The following ARB2A variants were observed in gnomAD, a reference collection of about 807,000 sequenced individuals.
ARB2A encodes ARB2 cotranscriptional regulator A.
At chr5:94,058,359 A>C in the ARB2A span, among the ~76,000 whole-genome samples, 1 of 152,178 alleles carries the variant, frequency 6.6e-6, no homozygotes, top group Admixed American at 6.5e-5. Flanking sequence ...ATGATAAGGC[A>C]TGTAAAAAGG....
chr5:93,884,356 A>G, the ARB2A span, among the ~76,000 whole-genome samples: 6 of 151,644 alleles, frequency 4.0e-5, no homozygotes, highest in African/African-American at 1.4e-4. Flanking sequence ...CTGAAATTTG[A>G]TATGTTCCAT....
the ARB2A span, among the ~76,000 whole-genome samples, chr5:93,887,143 A>G: frequency 2.6e-5 from 4 of 151,682 alleles, no homozygotes; most frequent in African/African-American, 9.7e-5. Context: ...TAGAGTCAGA[A>G]GGTCATGCAT....
At chr5:93,871,930 G>A in the ARB2A span, among the ~76,000 whole-genome samples, 2 of 150,870 alleles carry the variant, frequency 1.3e-5, no homozygotes, top group Admixed American at 1.3e-4. Context: ...GGAAGGGAGG[G>A]ATGAGAAAGG....
At chr5:93,685,981 C>T in the ARB2A span, among the ~76,000 whole-genome samples, 1 of 152,062 alleles carries the variant, frequency 6.6e-6, no homozygotes, top group Non-Finnish European at 1.5e-5. Context: ...AAATCATCTC[C>T]CTCTAATATA....
the ARB2A span, among the ~76,000 whole-genome samples, chr5:93,760,872 C>T: frequency 6.6e-6 from 1 of 152,096 alleles, no homozygotes; most frequent in African/African-American, 2.4e-5. Context: ...AACCCAAAAG[C>T]GAATGCAATA....
chr5:93,946,182 G>A, the ARB2A span, among the ~76,000 whole-genome samples: 1 of 151,918 alleles, frequency 6.6e-6, no homozygotes, highest in Non-Finnish European at 1.5e-5. Context: ...CAGGAAACAG[G>A]AGCTTCCTGT....
At chr5:93,887,284 CACAA>C in the ARB2A span, among the ~76,000 whole-genome samples, 5 of 149,364 alleles carry the variant, frequency 3.3e-5, no homozygotes, top group African/African-American at 1.2e-4. Flanking sequence ...AAGAAAATTT[CACAA>C]ACAAAAAGAA....
chr5:93,800,371 C>T, the ARB2A span, among the ~76,000 whole-genome samples: 1 of 142,058 alleles, frequency 7.0e-6, no homozygotes, highest in South Asian at 2.3e-4. Context: ...CATGATTTAA[C>T]TGCATATTTT....
At chr5:94,086,487 C>T in the ARB2A span, among the ~76,000 whole-genome samples, 3 of 151,258 alleles carry the variant, frequency 2.0e-5, no homozygotes, top group Non-Finnish European at 2.9e-5. Context: ...CAAAGTTTAG[C>T]ATATACAAAT....
the ARB2A span, among the ~76,000 whole-genome samples, chr5:93,665,972 C>A: frequency 6.6e-6 from 1 of 152,080 alleles, no homozygotes; most frequent in Admixed American, 6.5e-5. Flanking sequence ...AGAAATCATA[C>A]AAGTGAAACA....
chr5:93,994,652 G>C, the ARB2A span, among the ~76,000 whole-genome samples: 1 of 151,742 alleles, frequency 6.6e-6, no homozygotes, highest in Non-Finnish European at 1.5e-5. Flanking sequence ...ATGACAATTT[G>C]AAAAAACTTA....
the ARB2A span, among the ~76,000 whole-genome samples, chr5:93,718,874 T>C: frequency 3.3e-5 from 5 of 152,338 alleles, no homozygotes; most frequent in East Asian, 9.6e-4. Flanking sequence ...TAGTACCTCT[T>C]TCTATTTCAC....
the ARB2A span, chr5:93,739,326 G>GA: frequency 5.3e-5 from 8 of 151,714 alleles, no homozygotes; most frequent in Non-Finnish European, 8.8e-5. Flanking sequence ...AAGAAACTAG[G>GA]AAAAAATTAA....
At chr5:93,982,175 A>C in the ARB2A span, among the ~76,000 whole-genome samples, 28 of 152,160 alleles carry the variant, frequency 1.8e-4, no homozygotes, top group African/African-American at 6.8e-4. Context: ...GGCAGAAAAA[A>C]AATCACCTAT....
the ARB2A span, among the ~76,000 whole-genome samples, chr5:93,803,638 CA>C: frequency 6.7e-6 from 1 of 148,538 alleles, no homozygotes; most frequent in Non-Finnish European, 1.5e-5. Flanking sequence ...GTGATGAAAT[CA>C]TCTGTATAAC....
At chr5:93,777,622 T>A in the ARB2A span, among the ~76,000 whole-genome samples, 1 of 152,128 alleles carries the variant, frequency 6.6e-6, no homozygotes. Context: ...TCAATCATTT[T>A]GCCAAAATCG....
the ARB2A span, chr5:93,738,073 G>T: frequency 3.3e-6 from 1 of 306,288 alleles, no homozygotes; most frequent in Non-Finnish European, 6.4e-6. Context: ...CCATCTATCT[G>T]ATAAGGGCTT....
the ARB2A span, among the ~76,000 whole-genome samples, chr5:93,930,074 A>G: frequency 6.6e-6 from 1 of 152,274 alleles, no homozygotes; most frequent in African/African-American, 2.4e-5. Flanking sequence ...AAACATATCA[A>G]TACTTTATCT....
the ARB2A span, among the ~76,000 whole-genome samples, chr5:93,975,777 A>G: frequency 1.8e-4 from 27 of 152,160 alleles, no homozygotes; most frequent in Non-Finnish European, 1.9e-4. Context: ...TGAATCAGTA[A>G]TTTAAAAAAA....
Sources: allele counts gnomAD v4.1 joint callset (sites outside exome capture counted in the v4.1 genomes callset), GRCh38; gene constraint gnomAD v4.1.1; transcripts MANE v1.5; gene names NCBI Gene and HGNC (gene_info 2026-07-23, HGNC 2026-07-21).